PSD3: variants seen among roughly 807,000 people sequenced by gnomAD.
PSD3 encodes pleckstrin and Sec7 domain containing 3.
Under a neutral mutation model 105.5 loss-of-function variants are expected in PSD3, and 49 were observed. The ratio of observed to expected loss-of-function variants is 0.46; its 90% CI spans 0.37 to 0.59. The LOEUF (loss-of-function observed/expected upper bound fraction) is 0.59, where lower values mean the gene tolerates loss of function less well. Among genes scored for constraint, PSD3 ranks in the 20% least tolerant of loss-of-function variants. The probability of loss-of-function intolerance (pLI) is 0.00; values close to 1 mark genes in which losing one functional copy is unlikely to be tolerated. For missense variants in PSD3, 1,561 were observed against 1,263.8 expected, an observed-to-expected ratio of 1.24 and a Z score of -3.57; for synonymous variants, 557 against 457.8, an observed-to-expected ratio of 1.22 and a Z score of -2.77.
intron 9 of PSD3, among the ~76,000 whole-genome samples, chr8:18,691,456 T>C (rs76910225): frequency 0.013 from 2,010 of 152,328 alleles, 41 homozygotes; most frequent in African/African-American, 0.039. Flanking sequence ...ACTGTGAAGC[T>C]ACAGGGCCTT....
Position 18,668,565 on chromosome 8 carries a change from A to G in PSD3, c.2173-12880T>C, listed in dbSNP as rs75784645. Among the ~76,000 whole-genome samples the G allele has an allele frequency of 2.1e-3, 313 of 152,326 alleles. 6 individuals are homozygous for G. Among genetic ancestry groups the G allele is most frequent in the East Asian group, 3.5e-3 (18 of 5,184 alleles). ...CAGCTGATGCCTATGAAGGTTAAGTAGGCTGCCAAGGTCATACAGCAGAGC... is the reference window on the plus strand; with the variant it reads ...CAGCTGATGCCTATGAAGGTTAAGTGGGCTGCCAAGGTCATACAGCAGAGC... On this transcript the variant is annotated intron_variant, in intron 9 of 15. Coordinates refer to ENST00000327040, the MANE Select transcript of PSD3 (RefSeq NM_015310.4).
intron 4 of PSD3, among the ~76,000 whole-genome samples, chr8:18,834,366 T>G (rs1404882426): frequency 1.3e-5 from 2 of 152,224 alleles, no homozygotes; most frequent in African/African-American, 4.8e-5. Flanking sequence ...AAAGGGCTTT[T>G]GGGTACCCAT....
rs139041077 is a variant in PSD3, at chr8:18,791,993, C to T, written c.2082+7302G>A. Among the ~76,000 whole-genome samples the T allele has an allele frequency of 1.2e-3, 185 of 152,190 alleles. 4 individuals are homozygous for T. The East Asian group carries it at 0.033, about 27-fold the overall frequency. On this transcript the variant is annotated intron_variant, in intron 8 of 15. Transcript: ENST00000327040. ...ACCTTAATATCACTGATCAATATCG[C>T]AAATCAAAACCACAATGAGATACCA... is the stretch of plus-strand genomic sequence containing the variant.
At chr8:18,802,933 T>C (rs1231021358) in intron 6 of PSD3, among the ~76,000 whole-genome samples, 1 of 152,244 alleles carries the variant, frequency 6.6e-6, no homozygotes, top group Non-Finnish European at 1.5e-5. Flanking sequence ...TACTTTCTAC[T>C]GATTATGCTG....
chr8:18,731,275 AC>A (rs781676150), intron 9 of PSD3, among the ~76,000 whole-genome samples: 56 of 152,088 alleles, frequency 3.7e-4, no homozygotes, highest in Non-Finnish European at 1.3e-4. Context: ...AAAACAAAAA[AC>A]CTTCTTCATC....
intron 8 of PSD3, among the ~76,000 whole-genome samples, chr8:18,767,549 C>T (rs1807114029): frequency 6.6e-6 from 1 of 152,010 alleles, no homozygotes; most frequent in African/African-American, 2.4e-5. Context: ...AGTTCTAGAC[C>T]AGCCTGCTCA....
intron 9 of PSD3, among the ~76,000 whole-genome samples, chr8:18,697,945 C>G (rs550478554): frequency 6.6e-6 from 1 of 152,282 alleles, no homozygotes; most frequent in South Asian, 2.1e-4. Flanking sequence ...ATGGTCCCCC[C>G]AAAGATGTCC....
chr8:18,695,649 A>C (rs1005263557), intron 9 of PSD3, among the ~76,000 whole-genome samples: 1 of 152,166 alleles, frequency 6.6e-6, no homozygotes, highest in Non-Finnish European at 1.5e-5. Flanking sequence ...TCACCATTAA[A>C]CTTCTTGAGG....
At chr8:19,045,103 T>G (rs1400381280) in intron 1 of PSD3, among the ~76,000 whole-genome samples, 2 of 152,110 alleles carry the variant, frequency 1.3e-5, no homozygotes, top group Non-Finnish European at 2.9e-5. Flanking sequence ...GAGAATTGCT[T>G]GAACCCCGGA....
intron 12 of PSD3, among the ~76,000 whole-genome samples, chr8:18,577,023 T>C (rs1802501927): frequency 6.6e-6 from 1 of 152,056 alleles, no homozygotes; most frequent in Non-Finnish European, 1.5e-5. Flanking sequence ...GTTTTCCATA[T>C]TTCTTCTTTG....
At chr8:19,059,982 G>C (rs1228326958) in intron 1 of PSD3, among the ~76,000 whole-genome samples, 1 of 152,232 alleles carries the variant, frequency 6.6e-6, no homozygotes, top group African/African-American at 2.4e-5. Flanking sequence ...TGCACGGGCT[G>C]CTGTCAAATC....
chr8:18,658,686 C>A (rs558678255), intron 9 of PSD3, among the ~76,000 whole-genome samples: 1 of 152,008 alleles, frequency 6.6e-6, no homozygotes, highest in Non-Finnish European at 1.5e-5. Flanking sequence ...CTTGATCAAT[C>A]CTACTCTGAT....
chr8:18,779,579 C>G (rs1420171862), intron 8 of PSD3, among the ~76,000 whole-genome samples: 1 of 152,030 alleles, frequency 6.6e-6, no homozygotes. Context: ...GTATTTGTTG[C>G]TATTAAACAT....
At chr8:18,863,276 T>A (rs1816587821) in intron 4 of PSD3, among the ~76,000 whole-genome samples, 1 of 152,242 alleles carries the variant, frequency 6.6e-6, no homozygotes, top group East Asian at 1.9e-4. Flanking sequence ...GGTCATCTGC[T>A]GATAAGCCGG....
In PSD3 at chr8:18,632,439, G is replaced by C. The variant is rs116236434; in HGVS notation, c.2410+174C>G. Among the ~76,000 whole-genome samples the C allele has an allele frequency of 3.8e-3, 575 of 152,148 alleles. 3 individuals carry two copies. Among genetic ancestry groups the C allele is most frequent in the African/African-American group, 0.013 (535 of 41,536 alleles). On this transcript the variant is annotated intron_variant, in intron 11 of 15. Coordinates refer to ENST00000327040, the MANE Select transcript of PSD3 (RefSeq NM_015310.4). ...AAGTTCTATAATTCTGCTTAGAGAA[G>C]AGCAGGTGCCACATTGGATTTTTAA...
At chr8:19,069,058 C>G (rs1417740109) in intron 1 of PSD3, among the ~76,000 whole-genome samples, 1 of 152,188 alleles carries the variant, frequency 6.6e-6, no homozygotes, top group African/African-American at 2.4e-5. Context: ...AAACTAACGT[C>G]AAGCTCACAT....
chr8:19,084,074 G>C (rs982397676), intron 1 of PSD3: 3 of 348,376 alleles, frequency 8.6e-6, no homozygotes, highest in Admixed American at 3.8e-5. Context: ...CGGCTCGTGG[G>C]TACCTCTGCT....
At chr8:18,973,113 C>T (rs922555854) in intron 1 of PSD3, among the ~76,000 whole-genome samples, 14 of 152,098 alleles carry the variant, frequency 9.2e-5, no homozygotes, top group African/African-American at 2.7e-4. Flanking sequence ...GGGCAGTGTC[C>T]GGCACCCAAA....
intron 1 of PSD3, among the ~76,000 whole-genome samples, chr8:19,033,983 G>A (rs1827859730): frequency 6.6e-6 from 1 of 152,016 alleles, no homozygotes; most frequent in Non-Finnish European, 1.5e-5. Flanking sequence ...AAATATCTAG[G>A]GAAACGTGAT....
Sources: gnomAD v4.1 joint callset for allele counts (sites outside exome capture counted in the v4.1 genomes callset) on GRCh38, gnomAD v4.1.1 for gene constraint, MANE v1.5 for transcripts, NCBI Gene and HGNC (gene_info 2026-07-23, HGNC 2026-07-21) for gene names.